MYT1L: variants seen among roughly 807,000 people sequenced by gnomAD.
The protein encoded by MYT1L is myelin transcription factor 1-like protein.
A neutral mutation model predicts 126.7 loss-of-function variants in MYT1L; 12 were observed. That is an observed-to-expected ratio of 0.09 (90% CI 0.06 to 0.15). The LOEUF (loss-of-function observed/expected upper bound fraction) is 0.15, where lower values mean the gene tolerates loss of function less well. MYT1L is among the 10% of genes least tolerant of loss of function. The probability of loss-of-function intolerance (pLI) is 1.00; values close to 1 mark genes in which losing one functional copy is unlikely to be tolerated. For synonymous variants in MYT1L, 541 were observed against 604.2 expected (o/e 0.90, Z 1.53); for missense variants, 979 against 1,585.2 (o/e 0.62, Z 6.49).
At chr2:2,003,988 AGCGTTCTTTCCTGCAT>A (rs1268772806) in intron 4 of MYT1L, among the ~76,000 whole-genome samples, 2 of 106,990 alleles carry the variant, frequency 1.9e-5, no homozygotes, top group Admixed American at 9.0e-5. Context: ...CTTTCCTGCA[AGCGTTCTTTCCTGCAT>A]GCCTTCTTTC....
At chr2:2,061,838 T>C (rs1045728044) in intron 3 of MYT1L, among the ~76,000 whole-genome samples, 1 of 152,172 alleles carries the variant, frequency 6.6e-6, no homozygotes, top group East Asian at 1.9e-4. Context: ...ATCAACCTCA[T>C]ACACACACAT....
At chr2:1,798,885 C>T (rs548362183) in intron 23 of MYT1L, among the ~76,000 whole-genome samples, 1 of 152,348 alleles carries the variant, frequency 6.6e-6, no homozygotes, top group South Asian at 2.1e-4. Context: ...GGGCTCCTGG[C>T]TGTGGGCGCA....
chr2:2,253,614 C>A (rs1316791774), intron 2 of MYT1L, among the ~76,000 whole-genome samples: 1 of 152,140 alleles, frequency 6.6e-6, no homozygotes, highest in Non-Finnish European at 1.5e-5. Flanking sequence ...AGGCTGAGAG[C>A]TGAGAGGAGA....
intron 3 of MYT1L, among the ~76,000 whole-genome samples, chr2:2,161,063 A>T (rs1287337436): frequency 2.0e-5 from 3 of 152,092 alleles, no homozygotes; most frequent in African/African-American, 4.8e-5. Context: ...CTAAAAAAAA[A>T]TACAAAAACT....
intron 21 of MYT1L, among the ~76,000 whole-genome samples, chr2:1,821,615 C>T (rs2038535437): frequency 6.6e-6 from 1 of 152,174 alleles, no homozygotes; most frequent in Admixed American, 6.5e-5. Flanking sequence ...TGGTTTCTGC[C>T]ATGTTGTTTA....
At chr2:1,958,738 A>G (rs73188453) in intron 8 of MYT1L, among the ~76,000 whole-genome samples, 7,501 of 151,588 alleles carry the variant, frequency 0.049, 553 homozygotes, top group African/African-American at 0.17. Context: ...TTCTTCTAGG[A>G]TTCTCCGGCC....
intron 3 of MYT1L, among the ~76,000 whole-genome samples, chr2:2,062,074 G>T (rs1252473945): frequency 6.6e-6 from 1 of 152,182 alleles, no homozygotes; most frequent in Non-Finnish European, 1.5e-5. Context: ...GGGGAACAGG[G>T]AGGTGCACTA....
intron 3 of MYT1L, among the ~76,000 whole-genome samples, chr2:2,165,313 C>T (rs2088864264): frequency 1.3e-5 from 2 of 148,180 alleles, no homozygotes; most frequent in South Asian, 4.2e-4. Context: ...CACACGTGCA[C>T]ACATACACAC....
At chr2:2,168,207 C>A (rs2089475463) in intron 3 of MYT1L, among the ~76,000 whole-genome samples, 1 of 152,150 alleles carries the variant, frequency 6.6e-6, no homozygotes, top group South Asian at 2.1e-4. Flanking sequence ...GAAGCACAGG[C>A]ATCCCAGAGG....
Position 1,839,416 on chromosome 2 carries a change from G to C in MYT1L, c.2859-46C>G, listed in dbSNP as rs1460481407. Reference sequence around the variant, plus strand: ...CACACTTTATTGTCTGGCCACCGTCGCCTGGTGGCTTCTGTAACAAAGTCA... The same window carrying C: ...CACACTTTATTGTCTGGCCACCGTCCCCTGGTGGCTTCTGTAACAAAGTCA... On this transcript the variant is annotated intron_variant, in intron 20 of 24. Coordinates refer to ENST00000647738, the MANE Select transcript of MYT1L (RefSeq NM_001303052.2). 9.8e-6 allele frequency: 15 copies of C among 1,532,270 alleles called. No homozygotes were observed. In the South Asian group the frequency reaches 1.4e-4, roughly 14 times the overall value. The allele number at this position is 1,532,270 out of a possible 1,614,324, so 94.9% of individuals were successfully genotyped here. A position where few individuals can be genotyped will look rare whatever the true frequency, so the allele number is the denominator to read the frequency against.
chr2:2,252,730 G>A (rs1477111031), intron 2 of MYT1L, among the ~76,000 whole-genome samples: 2 of 152,088 alleles, frequency 1.3e-5, no homozygotes, highest in African/African-American at 4.8e-5. Flanking sequence ...AAAGGAAAGA[G>A]GCCATCGTCT....
chr2:2,295,875 G>A (rs1189460218), intron 1 of MYT1L, among the ~76,000 whole-genome samples: 1 of 149,656 alleles, frequency 6.7e-6, no homozygotes, highest in East Asian at 2.0e-4. Context: ...GAGGGAGAGA[G>A]GCAGAGGAAT....
chr2:2,037,483 C>T (rs1206288148), intron 4 of MYT1L, among the ~76,000 whole-genome samples: 7 of 150,492 alleles, frequency 4.7e-5, no homozygotes, highest in South Asian at 2.1e-4. Flanking sequence ...GGGCCAGGGA[C>T]GGCGGCTCAT....
chr2:1,899,698 G>A (rs188129539), intron 14 of MYT1L, among the ~76,000 whole-genome samples: 48 of 152,310 alleles, frequency 3.2e-4, no homozygotes, highest in African/African-American at 9.4e-4. Context: ...CAAACTCTAC[G>A]ATCTTACCTA....
intron 24 of MYT1L, 32 bp from the exon 25 acceptor site, chr2:1,792,039 A>G (rs1246110213): frequency 6.8e-7 from 1 of 1,474,886 alleles, no homozygotes; most frequent in Non-Finnish European, 9.1e-7. Context: ...TTCATATACA[A>G]CTTTTATTTT....
At chr2:1,873,711 C>T (rs961649959) in intron 18 of MYT1L, among the ~76,000 whole-genome samples, 1 of 152,276 alleles carries the variant, frequency 6.6e-6, no homozygotes, top group Middle Eastern at 3.4e-3. Flanking sequence ...AGAGCTCTGA[C>T]CCTCACCTGT....
intron 9 of MYT1L, among the ~76,000 whole-genome samples, chr2:1,932,759 G>C (rs13023987): frequency 0.03 from 4,552 of 152,272 alleles, 93 homozygotes; most frequent in Non-Finnish European, 0.046. Context: ...GGGGAGGAAA[G>C]AGAGGGTGCC....
At chr2:1,932,453 T>C (rs1332330451) in intron 9 of MYT1L, among the ~76,000 whole-genome samples, 1 of 152,090 alleles carries the variant, frequency 6.6e-6, no homozygotes, top group Middle Eastern at 3.2e-3. Flanking sequence ...AACAGAATAA[T>C]AGTTATTCAT....
rs1559396417 is a variant in MYT1L, at chr2:2,228,540, C to A, written c.-420-55552G>T. ...GAAAGTTTAGAATTTTTTTGCCAATCTTTTTGATTTTATAGAAAAAGTATT... is the reference window on the plus strand; with the variant it reads ...GAAAGTTTAGAATTTTTTTGCCAATATTTTTGATTTTATAGAAAAAGTATT... On this transcript the variant is annotated intron_variant, in intron 2 of 24. Transcript: ENST00000647738. This position sits in a 1 kb window ranked among gnomAD's most constrained non-coding sequence, Gnocchi z 5.9. 1.3e-5 allele frequency among the ~76,000 whole-genome samples: 2 copies of A among 152,010 alleles called. No homozygotes were observed. Among genetic ancestry groups the A allele is most frequent in the African/African-American group, 2.4e-5 (1 of 41,422 alleles).
Sources: allele counts gnomAD v4.1 joint callset (sites outside exome capture counted in the v4.1 genomes callset), GRCh38; gene constraint gnomAD v4.1.1; non-coding constraint Gnocchi (gnomAD v3.1); transcripts MANE v1.5; gene names NCBI Gene and HGNC (gene_info 2026-07-23, HGNC 2026-07-21).